SAMD12: variants seen among roughly 807,000 people sequenced by gnomAD.
SAMD12 encodes sterile alpha motif domain-containing protein 12.
SAMD12 carries 9 observed loss-of-function variants against 15.0 expected under a neutral mutation model. The observed-to-expected ratio is 0.60, with a 90% CI of 0.36 to 1.05. The LOEUF is 1.05. Among genes scored for constraint, SAMD12 ranks in the 50% least tolerant of loss-of-function variants. The probability of loss-of-function intolerance (pLI) is 0.01; values close to 1 mark genes in which losing one functional copy is unlikely to be tolerated. For synonymous variants in SAMD12, 86 were observed against 90.1 expected (o/e 0.96, Z 0.25); for missense variants, 230 against 234.2 (o/e 0.98, Z 0.12).
intron 2 of SAMD12, among the ~76,000 whole-genome samples, chr8:118,565,017 C>T (rs1826808042): frequency 6.6e-6 from 1 of 152,186 alleles, no homozygotes; most frequent in Admixed American, 6.5e-5. Flanking sequence ...TAGAACTAGT[C>T]GTTCTGGGAG....
chr8:118,266,851 G>A (rs980096842), intron 4 of SAMD12, among the ~76,000 whole-genome samples: 4 of 152,032 alleles, frequency 2.6e-5, no homozygotes, highest in Non-Finnish European at 5.9e-5. Flanking sequence ...AGGGGTTGAG[G>A]AGATACTGGT....
At chr8:118,282,088 T>C in intron 4 of SAMD12, 1 of 346,588 alleles carries the variant, frequency 2.9e-6, no homozygotes, top group Admixed American at 4.0e-5. Flanking sequence ...GGTAATAACT[T>C]AATTTGCCTC....
chr8:118,476,505 G>A (rs1413693759), intron 2 of SAMD12, among the ~76,000 whole-genome samples: 1 of 152,184 alleles, frequency 6.6e-6, no homozygotes, highest in Admixed American at 6.5e-5. Context: ...AGAAAGATGA[G>A]ACATCTTTAA....
intron 2 of SAMD12, among the ~76,000 whole-genome samples, chr8:118,450,438 C>T (rs566487719): frequency 1.6e-4 from 24 of 152,156 alleles, no homozygotes; most frequent in Non-Finnish European, 3.2e-4. Flanking sequence ...CGCTCATCCA[C>T]ATAGATGAGC....
At chr8:118,463,059 C>G (rs1258710453) in intron 2 of SAMD12, among the ~76,000 whole-genome samples, 1 of 144,190 alleles carries the variant, frequency 6.9e-6, no homozygotes, top group Non-Finnish European at 1.5e-5. Context: ...CGAGATCGCG[C>G]CACTGCACTC....
intron 4 of SAMD12, among the ~76,000 whole-genome samples, chr8:118,325,057 C>T (rs1816502488): frequency 6.6e-6 from 1 of 152,216 alleles, no homozygotes; most frequent in South Asian, 2.1e-4. Flanking sequence ...ACTCTTCTCT[C>T]TCCAGAGCCT....
the SAMD12 span, among the ~76,000 whole-genome samples, chr8:118,150,247 C>T: frequency 6.6e-6 from 1 of 152,174 alleles, no homozygotes; most frequent in African/African-American, 2.4e-5. Flanking sequence ...TCATCACATA[C>T]CTTCAAGTAT....
At chr8:118,517,124 C>A (rs752818142) in intron 2 of SAMD12, among the ~76,000 whole-genome samples, 1 of 152,144 alleles carries the variant, frequency 6.6e-6, no homozygotes, top group African/African-American at 2.4e-5. Context: ...GGGAAGAAAT[C>A]ATTTTCATTT....
chr8:118,296,987 T>C (rs1034481776), intron 4 of SAMD12, among the ~76,000 whole-genome samples: 1 of 152,222 alleles, frequency 6.6e-6, no homozygotes. Flanking sequence ...ACAATCTTGA[T>C]CCGATTTCTA....
the SAMD12 span, among the ~76,000 whole-genome samples, chr8:118,173,495 T>C: frequency 2.0e-5 from 3 of 151,574 alleles, no homozygotes; most frequent in Admixed American, 2.0e-4. Context: ...AAGCAGCCTC[T>C]GTTTTCTTTT....
chr8:118,620,716 G>A (rs960182235), intron 1 of SAMD12, among the ~76,000 whole-genome samples: 4 of 152,182 alleles, frequency 2.6e-5, no homozygotes, highest in Non-Finnish European at 5.9e-5. Context: ...AGAGGGAGCA[G>A]CAAGCCAGCC....
chr8:118,435,749 C>T (rs1022684836), intron 3 of SAMD12, among the ~76,000 whole-genome samples: 2 of 152,084 alleles, frequency 1.3e-5, no homozygotes, highest in African/African-American at 4.8e-5. Context: ...GAGGTTAAAG[C>T]GTAATTTTCA....
At chr8:118,533,208 A>C (rs1825738156) in intron 2 of SAMD12, among the ~76,000 whole-genome samples, 1 of 152,196 alleles carries the variant, frequency 6.6e-6, no homozygotes, top group Admixed American at 6.5e-5. Context: ...CCCAGTAGTC[A>C]TTCAGGAGCA....
At chr8:118,353,116 CACT>C (rs1818042745) in intron 4 of SAMD12, among the ~76,000 whole-genome samples, 1 of 151,496 alleles carries the variant, frequency 6.6e-6, no homozygotes, top group African/African-American at 2.4e-5. Flanking sequence ...ATTGTATATA[CACT>C]ACTAAATACA....
At chr8:118,452,030 T>A (rs1823098709) in intron 2 of SAMD12, among the ~76,000 whole-genome samples, 1 of 152,036 alleles carries the variant, frequency 6.6e-6, no homozygotes, top group Non-Finnish European at 1.5e-5. Flanking sequence ...AAAGGGTAGT[T>A]CCCTGATACA....
At chr8:118,274,826 A>G (rs1813436420) in intron 4 of SAMD12, among the ~76,000 whole-genome samples, 1 of 152,180 alleles carries the variant, frequency 6.6e-6, no homozygotes, top group Admixed American at 6.5e-5. Context: ...GCCATTTTAT[A>G]AAGACATCAC....
At chr8:118,575,990 G>A (rs1302247683) in intron 2 of SAMD12, among the ~76,000 whole-genome samples, 1 of 150,626 alleles carries the variant, frequency 6.6e-6, no homozygotes, top group Admixed American at 6.6e-5. Context: ...TGAGTATTTC[G>A]ACTTTTTTTT....
intron 2 of SAMD12, among the ~76,000 whole-genome samples, chr8:118,504,848 C>G (rs774628624): frequency 6.6e-6 from 1 of 152,160 alleles, no homozygotes; most frequent in Non-Finnish European, 1.5e-5. Flanking sequence ...CAGATTCTCC[C>G]CTAGAGCCTC....
intron 4 of SAMD12, among the ~76,000 whole-genome samples, chr8:118,227,231 T>C (rs574176944): frequency 6.6e-6 from 1 of 152,230 alleles, no homozygotes; most frequent in Non-Finnish European, 1.5e-5. Context: ...TAGATGGAGC[T>C]GGAGGCCATT....
Sources: allele counts gnomAD v4.1 joint callset (sites outside exome capture counted in the v4.1 genomes callset), GRCh38; gene constraint gnomAD v4.1.1; transcripts MANE v1.5; gene names NCBI Gene and HGNC (gene_info 2026-07-23, HGNC 2026-07-21).